The following CUX1 variants were observed in gnomAD, a reference collection of about 807,000 sequenced individuals.
The protein encoded by CUX1 is cut like homeobox 1.
CUX1 carries 31 observed loss-of-function variants against 158.8 expected under a neutral mutation model. That is an observed-to-expected ratio of 0.20 (90% CI 0.15 to 0.26). The LOEUF is 0.26. Among genes scored for constraint, CUX1 ranks in the 10% least tolerant of loss-of-function variants. The pLI is 1.00. For missense variants in CUX1, 1,589 were observed against 2,014.6 expected (o/e 0.79, Z 4.04); for synonymous variants, 879 against 862.1 (o/e 1.02, Z -0.34).
At chr7:102,139,543 C>T (rs1554499646) in intron 8 of CUX1, among the ~76,000 whole-genome samples, 1 of 152,184 alleles carries the variant, frequency 6.6e-6, no homozygotes, top group Non-Finnish European at 1.5e-5. Context: ...CCCTGTAATC[C>T]CAGCACTTTG....
chr7:102,046,845 T>C (rs1279622667), intron 3 of CUX1, among the ~76,000 whole-genome samples: 3 of 151,728 alleles, frequency 2.0e-5, no homozygotes, highest in Non-Finnish European at 4.4e-5. Flanking sequence ...CCTCCCAAAG[T>C]GTTGGGATTA....
chr7:102,271,081 T>G (rs1389284763), intron 14 of CUX1, among the ~76,000 whole-genome samples: 1 of 152,142 alleles, frequency 6.6e-6, no homozygotes, highest in African/African-American at 2.4e-5. Context: ...TCTCAGCAGC[T>G]TTTTATCCAC....
intron 19 of CUX1, chr7:102,280,653 G>C (rs1297607464): frequency 4.5e-6 from 3 of 673,582 alleles, no homozygotes; most frequent in Admixed American, 2.4e-5. Context: ...GTGCACCCAG[G>C]GAAGCCCCTG....
intron 6 of CUX1, among the ~76,000 whole-genome samples, chr7:102,110,508 C>T (rs980235080): frequency 1.2e-4 from 18 of 152,084 alleles, no homozygotes; most frequent in African/African-American, 2.9e-4. Flanking sequence ...GTTCATATTA[C>T]GCTGTAGTGT....
intron 7 of CUX1, 200 bp downstream of exon 7, chr7:102,111,974 T>G (rs1435038581): frequency 1.1e-5 from 6 of 555,550 alleles, no homozygotes; most frequent in Non-Finnish European, 1.6e-5. Flanking sequence ...GAGTTGTTAA[T>G]GTAGAGGTGG....
intron 4 of CUX1, 35 bp downstream of exon 4, chr7:102,070,452 G>A: frequency 6.5e-7 from 1 of 1,545,444 alleles, no homozygotes; most frequent in Non-Finnish European, 8.8e-7. Flanking sequence ...CCAGTGGGGG[G>A]CGTTGTGTCT....
At chr7:102,216,567 C>CTCCCA (rs1797109200) in intron 20 of CUX1, among the ~76,000 whole-genome samples, 1 of 87,792 alleles carries the variant, frequency 1.1e-5, no homozygotes, top group African/African-American at 4.0e-5. Flanking sequence ...CACACACACT[C>CTCCCA]CCACACACAC....
chr7:101,908,283 T>C (rs1206414596), intron 1 of CUX1, among the ~76,000 whole-genome samples: 2 of 152,228 alleles, frequency 1.3e-5, no homozygotes, highest in Non-Finnish European at 2.9e-5. Context: ...AGGATGGCAC[T>C]TTCCCGCATG....
At chr7:101,935,449 CATGA>C (rs1806804099) in intron 2 of CUX1, among the ~76,000 whole-genome samples, 1 of 152,182 alleles carries the variant, frequency 6.6e-6, no homozygotes, top group Non-Finnish European at 1.5e-5. Context: ...GACTGCCATT[CATGA>C]ATGGACAAGG....
intron 2 of CUX1, among the ~76,000 whole-genome samples, chr7:101,973,846 G>T (rs1003451672): frequency 6.6e-6 from 1 of 151,008 alleles, no homozygotes; most frequent in African/African-American, 2.4e-5. Flanking sequence ...TCAGCTCACG[G>T]CAACCTCCAC....
At chr7:101,922,958 A>C (rs1805133776) in intron 2 of CUX1, among the ~76,000 whole-genome samples, 1 of 152,266 alleles carries the variant, frequency 6.6e-6, no homozygotes. Context: ...AGCTCTCGCA[A>C]ACCCCAGAAA....
At chr7:102,200,767 C>T (rs1300013418) in intron 17 of CUX1, among the ~76,000 whole-genome samples, 1 of 152,014 alleles carries the variant, frequency 6.6e-6, no homozygotes, top group Admixed American at 6.6e-5. Context: ...CGGTGGCTCA[C>T]ACCTGCAATC....
intron 5 of CUX1, among the ~76,000 whole-genome samples, chr7:102,098,557 G>A (rs1829435202): frequency 6.6e-6 from 1 of 152,104 alleles, no homozygotes; most frequent in African/African-American, 2.4e-5. Context: ...CCTGCAGTGA[G>A]CCATGATTGT....
At chr7:102,058,013 C>T (rs769002777) in intron 3 of CUX1, among the ~76,000 whole-genome samples, 2 of 152,066 alleles carry the variant, frequency 1.3e-5, no homozygotes, top group African/African-American at 4.8e-5. Flanking sequence ...CTTCAGTAAC[C>T]ACAACCCTGA....
Position 102,200,165 on chromosome 7 carries a change from G to C in CUX1, c.2055G>C (p.Gln685His), listed in dbSNP as rs1795264649. Residue 685 changes from glutamine to histidine, a missense_variant, in exon 17 of 24, where the codon CAG becomes CAC. Transcript: ENST00000292535. Reference sequence around the variant, plus strand: ...AAGCCAAGAGGGAGCTCCAAGTGCAGAAAACTGGTACAGCTTCCATTTCTT... The same window carrying C: ...AAGCCAAGAGGGAGCTCCAAGTGCACAAAACTGGTACAGCTTCCATTTCTT... ...LEQAKRELQV[Q>H]KTAEPAQPSS... 4 of 1,609,226 alleles carry C rather than the reference G, an allele frequency of 2.5e-6. No individual in the cohort carries two copies. The highest frequency in any genetic ancestry group is 3.4e-6 in the Non-Finnish European group (4 of 1,178,262).
chr7:102,077,071 A>G (rs1826824744), intron 4 of CUX1, among the ~76,000 whole-genome samples: 1 of 151,392 alleles, frequency 6.6e-6, no homozygotes, highest in African/African-American at 2.4e-5. Context: ...AGAAGAAGAA[A>G]AAGTAATTGC....
chr7:101,944,202 T>C (rs1300156580), intron 2 of CUX1, among the ~76,000 whole-genome samples: 1 of 151,900 alleles, frequency 6.6e-6, no homozygotes, highest in Non-Finnish European at 1.5e-5. Context: ...AGGGGCGCAG[T>C]GGGCTGGGTT....
chr7:102,005,661 T>C (rs1209092521), intron 2 of CUX1, among the ~76,000 whole-genome samples: 1 of 152,150 alleles, frequency 6.6e-6, no homozygotes, highest in Admixed American at 6.5e-5. Flanking sequence ...CTAGTTTTCC[T>C]GACTGCGTGA....
At chr7:102,152,513 C>G (rs1835801170) in intron 8 of CUX1, among the ~76,000 whole-genome samples, 1 of 152,042 alleles carries the variant, frequency 6.6e-6, no homozygotes, top group South Asian at 2.1e-4. Context: ...TGCCTCAGCC[C>G]CTCAAGTAGC....
Sources: allele counts gnomAD v4.1 joint callset (sites outside exome capture counted in the v4.1 genomes callset), GRCh38; gene constraint gnomAD v4.1.1; transcripts MANE v1.5; gene names NCBI Gene and HGNC (gene_info 2026-07-23, HGNC 2026-07-21).